Variants in ERICH3 observed in about 807,000 individuals in gnomAD.
ERICH3 encodes the protein glutamate-rich protein 3.
ERICH3 carries 126 observed loss-of-function variants against 131.1 expected under a neutral mutation model. That is an observed-to-expected ratio of 0.96 (90% CI 0.83 to 1.11). The LOEUF is 1.11. Ranked by LOEUF, ERICH3 falls within the 50% of genes most tolerant of loss-of-function variation. ERICH3 has a pLI of 0.00. For synonymous variants in ERICH3, 695 were observed against 644.6 expected, an observed-to-expected ratio of 1.08 and a Z score of -1.18; for missense variants, 2,050 against 1,810.7, an observed-to-expected ratio of 1.13 and a Z score of -2.40.
intron 12 of ERICH3, among the ~76,000 whole-genome samples, chr1:74,584,150 A>T (rs2100551223): frequency 6.6e-6 from 1 of 152,290 alleles, no homozygotes; most frequent in East Asian, 1.9e-4. Context: ...TACACAGTGA[A>T]GATGTTCTTC....
chr1:74,670,984 T>C (rs1646737192), intron 1 of ERICH3, among the ~76,000 whole-genome samples: 1 of 150,440 alleles, frequency 6.6e-6, no homozygotes, highest in African/African-American at 2.5e-5. Flanking sequence ...ATATAAGCCC[T>C]GGTCTCCTGC....
intron 11 of ERICH3, among the ~76,000 whole-genome samples, chr1:74,595,172 T>C (rs1320973289): frequency 1.3e-5 from 2 of 152,138 alleles, no homozygotes; most frequent in East Asian, 3.9e-4. Context: ...AATAGTTCTG[T>C]CTTAATGAAA....
intron 9 of ERICH3, among the ~76,000 whole-genome samples, chr1:74,607,679 A>G (rs1311238563): frequency 6.6e-6 from 1 of 151,982 alleles, no homozygotes; most frequent in Non-Finnish European, 1.5e-5. Context: ...AAGTCATTCC[A>G]AGTCAAATCT....
intron 9 of ERICH3, among the ~76,000 whole-genome samples, chr1:74,609,795 A>T (rs1026649062): frequency 1.3e-5 from 2 of 152,148 alleles, no homozygotes; most frequent in South Asian, 4.1e-4. Context: ...TGAGAGTCAT[A>T]GGCCTTATTC....
chr1:74,590,820 T>C (rs1647559008), intron 11 of ERICH3, among the ~76,000 whole-genome samples: 1 of 152,160 alleles, frequency 6.6e-6, no homozygotes, highest in Non-Finnish European at 1.5e-5. Flanking sequence ...TATGAGTATA[T>C]AGAAATTTTC....
intron 1 of ERICH3, among the ~76,000 whole-genome samples, chr1:74,656,641 A>G (rs1352089395): frequency 2.6e-5 from 4 of 152,214 alleles, no homozygotes; most frequent in Non-Finnish European, 4.4e-5. Flanking sequence ...CTGGTCTGGA[A>G]ATATATTTGC....
At chr1:74,669,470 A>G (rs1646721869) in intron 1 of ERICH3, among the ~76,000 whole-genome samples, 1 of 152,196 alleles carries the variant, frequency 6.6e-6, no homozygotes, top group Non-Finnish European at 1.5e-5. Flanking sequence ...TGCATGACTG[A>G]GGGATATAAA....
chr1:74,629,034 TA>T (rs1421090862), intron 7 of ERICH3, among the ~76,000 whole-genome samples: 2 of 152,094 alleles, frequency 1.3e-5, no homozygotes, highest in Admixed American at 1.3e-4. Context: ...TTTCAACATT[TA>T]AAGGATATTA....
chr1:74,592,236 C>G (rs970007578), intron 11 of ERICH3: 1 of 152,188 alleles, frequency 6.6e-6, no homozygotes, highest in Non-Finnish European at 1.5e-5. Context: ...AAATAAATCA[C>G]ATACTCTAGC....
chr1:74,574,312 T>C (rs1647013909), intron 13 of ERICH3, among the ~76,000 whole-genome samples: 1 of 152,256 alleles, frequency 6.6e-6, no homozygotes, highest in Admixed American at 6.5e-5. Context: ...TGTAGCAGCA[T>C]AATATGTCTG....
chr1:74,569,606 G>A lies in ERICH3; in HGVS notation c.*852C>T, dbSNP rs1252935295. 6.6e-6 allele frequency: 1 copy of A among 152,078 alleles called. No individual in the cohort carries two copies. The highest frequency in any genetic ancestry group is 2.4e-5 in the African/African-American group (1 of 41,412). The allele number at this position is 152,078 out of a possible 1,614,324, so 9.4% of individuals were successfully genotyped here. ...TTAATGACATCAACTAAAGAGTCTA[G>A]AATGTTGGCATAATGCTGATGTGCT... On this transcript the variant is annotated 3_prime_UTR_variant, in exon 15 of 15. Coordinates refer to ENST00000326665, the MANE Select transcript of ERICH3 (RefSeq NM_001002912.5).
chr1:74,646,734 C>T lies in ERICH3; in HGVS notation c.176G>A (p.Arg59Gln), dbSNP rs751191438. 1.1e-5 allele frequency: 17 copies of T among 1,501,292 alleles called. No individual in the cohort carries two copies. The highest frequency in any genetic ancestry group is 1.0e-4 in the South Asian group (8 of 78,448). 93.0% of individuals were successfully genotyped at this position (1,501,292 alleles called of 1,614,324 possible). ...EKEYKLNMMK[R>Q]DHQKYIRECL... The stretch of plus-strand genomic sequence containing the variant: ...TTCCCGGATATATTTTTGATGATCC[C>T]GCTTCATCATATTTAGTTTATATTC... Residue 59 changes from arginine (R) to glutamine (Q), a missense_variant, in exon 3 of 15, where the codon CGG (arginine) becomes CAG (glutamine). Arg to Gln is a conservative substitution (Grantham distance 43, BLOSUM62 1). Coordinates refer to ENST00000326665, the MANE Select transcript of ERICH3 (RefSeq NM_001002912.5).
intron 11 of ERICH3, among the ~76,000 whole-genome samples, 185 bp downstream of exon 11, chr1:74,599,510 C>T (rs79588147): frequency 0.017 from 2,516 of 151,812 alleles, 84 homozygotes; most frequent in African/African-American, 0.058. Context: ...ATAACGTGTA[C>T]GACGAACCCC....
chr1:74,670,550 T>C (rs1646731887), intron 1 of ERICH3, among the ~76,000 whole-genome samples: 1 of 152,202 alleles, frequency 6.6e-6, no homozygotes, highest in Non-Finnish European at 1.5e-5. Context: ...AATAATACTT[T>C]TATAATTTCT....
At chr1:74,597,562 G>A (rs760300215) in intron 11 of ERICH3, among the ~76,000 whole-genome samples, 16 of 151,794 alleles carry the variant, frequency 1.1e-4, no homozygotes, top group African/African-American at 1.9e-4. Context: ...ATACAACGTT[G>A]CTAATTATAG....
intron 9 of ERICH3, among the ~76,000 whole-genome samples, chr1:74,608,929 C>T (rs1488489835): frequency 1.3e-5 from 2 of 151,972 alleles, no homozygotes; most frequent in Non-Finnish European, 1.5e-5. Context: ...GTTGTGGCTG[C>T]GTAAAGGCTT....
intron 12 of ERICH3, among the ~76,000 whole-genome samples, chr1:74,584,071 T>C (rs1285211163): frequency 6.6e-6 from 1 of 152,224 alleles, no homozygotes; most frequent in Non-Finnish European, 1.5e-5. Context: ...TTCATCATTC[T>C]TTGTGTAGCC....
Position 74,577,085 on chromosome 1 carries a change from C to T in ERICH3, c.2177-149G>A, listed in dbSNP as rs1331706519. 4.8e-6 allele frequency: 3 copies of T among 621,896 alleles called. No individual in the cohort carries two copies. The East Asian group carries it at 8.2e-5, about 17-fold the overall frequency. The allele number at this position is 621,896 out of a possible 1,614,324, so 38.5% of individuals were successfully genotyped here. A position where few individuals can be genotyped will look rare whatever the true frequency, so the allele number is the denominator to read the frequency against. On this transcript the variant is annotated intron_variant, in intron 12 of 14. Coordinates refer to ENST00000326665, the MANE Select transcript of ERICH3 (RefSeq NM_001002912.5). ...GGCAGGCTATTGAAAGAAGACTGATCTGAAAATTCCTACCAGTATTGTATA... is the reference window on the plus strand; with the variant it reads ...GGCAGGCTATTGAAAGAAGACTGATTTGAAAATTCCTACCAGTATTGTATA...
intron 1 of ERICH3, among the ~76,000 whole-genome samples, chr1:74,650,249 T>C (rs1482040078): frequency 2.6e-5 from 4 of 152,180 alleles, no homozygotes; most frequent in Non-Finnish European, 5.9e-5. Flanking sequence ...ATTTTTAGTG[T>C]CTTTTATTTT....
Sources: gnomAD v4.1 joint callset for allele counts (sites outside exome capture counted in the v4.1 genomes callset) on GRCh38, gnomAD v4.1.1 for gene constraint, MANE v1.5 for transcripts, NCBI Gene and HGNC (gene_info 2026-07-23, HGNC 2026-07-21) for gene names.